PRKG1: variants seen among roughly 807,000 people sequenced by gnomAD.
PRKG1 encodes the protein cGMP-dependent protein kinase 1.
In PRKG1, 35 loss-of-function variants were observed where a neutral mutation model predicts 88.1. The observed-to-expected ratio is 0.40, with a 90% CI of 0.30 to 0.53. PRKG1 has a LOEUF of 0.53. PRKG1 is among the 20% of genes least tolerant of loss of function. The probability of loss-of-function intolerance (pLI) is 0.59; values close to 1 mark genes in which losing one functional copy is unlikely to be tolerated. For missense variants in PRKG1, 540 were observed against 839.8 expected, an observed-to-expected ratio of 0.64 and a Z score of 4.41; for synonymous variants, 303 against 292.5, an observed-to-expected ratio of 1.04 and a Z score of -0.37.
At chr10:51,622,288 T>C (rs962057655) in intron 3 of PRKG1, among the ~76,000 whole-genome samples, 1 of 152,296 alleles carries the variant, frequency 6.6e-6, no homozygotes, top group Middle Eastern at 3.4e-3. Flanking sequence ...GAGGCCTGGC[T>C]CCAATGTCTT....
intron 4 of PRKG1, among the ~76,000 whole-genome samples, chr10:51,884,318 G>A (rs551323268): frequency 0.011 from 1,650 of 144,442 alleles, 20 homozygotes; most frequent in Non-Finnish European, 0.017. Context: ...GGTGGCGCGC[G>A]CCTGTAGTCC....
intron 2 of PRKG1, among the ~76,000 whole-genome samples, chr10:51,367,117 G>A (rs1842607378): frequency 6.6e-6 from 1 of 151,866 alleles, no homozygotes; most frequent in African/African-American, 2.4e-5. Context: ...GTTTCATTTA[G>A]AAACTAAGAC....
chr10:51,884,134 A>C (rs1387900248), intron 4 of PRKG1, among the ~76,000 whole-genome samples: 1 of 151,846 alleles, frequency 6.6e-6, no homozygotes, highest in Non-Finnish European at 1.5e-5. Context: ...CTTTTGTTTG[A>C]ATGAGTCACA....
chr10:51,235,365 T>G (rs1454828285), intron 2 of PRKG1, among the ~76,000 whole-genome samples: 1 of 152,084 alleles, frequency 6.6e-6, no homozygotes, highest in Non-Finnish European at 1.5e-5. Flanking sequence ...TTTAAGTCAC[T>G]GTCAGGCAAT....
At position 52,263,575 on chromosome 10, in the gene PRKG1, A is replaced by T. The variant is rs1011242064; in HGVS notation, c.1174-7775A>T. On this transcript the variant is annotated intron_variant, in intron 10 of 17. Transcript: ENST00000373980. ...AGAAATACTCTCCATTCCAATCTCC[A>T]GGATTTTTTTTTTTTTTTTGAGACA... Among the ~76,000 whole-genome samples the T allele has an allele frequency of 2.9e-4, 43 of 147,946 alleles. 2 individuals carry two copies.
At chr10:52,198,867 C>T (rs1839583178) in intron 9 of PRKG1, among the ~76,000 whole-genome samples, 1 of 151,430 alleles carries the variant, frequency 6.6e-6, no homozygotes, top group Non-Finnish European at 1.5e-5. Context: ...GTTTCCTTTT[C>T]TTAAGCATAC....
intron 2 of PRKG1, among the ~76,000 whole-genome samples, chr10:51,306,265 T>A (rs1841034442): frequency 6.6e-6 from 1 of 152,206 alleles, no homozygotes; most frequent in South Asian, 2.1e-4. Flanking sequence ...ATAGTTGACT[T>A]ACATTTGGGG....
chr10:51,388,883 A>G (rs918109409), intron 2 of PRKG1, among the ~76,000 whole-genome samples: 1 of 152,234 alleles, frequency 6.6e-6, no homozygotes, highest in African/African-American at 2.4e-5. Context: ...AAAATAACAG[A>G]AATACATTTG....
intron 3 of PRKG1, among the ~76,000 whole-genome samples, chr10:51,520,293 TATTAA>T (rs1370674573): frequency 8.0e-5 from 12 of 149,244 alleles, no homozygotes; most frequent in African/African-American, 1.2e-4. Flanking sequence ...ATGAAATATA[TATTAA>T]ATTAAATAGT....
At chr10:52,225,850 C>CT (rs1278200431) in intron 9 of PRKG1, among the ~76,000 whole-genome samples, 2 of 151,928 alleles carry the variant, frequency 1.3e-5, no homozygotes, top group Admixed American at 1.3e-4. Context: ...GTCTATGTGC[C>CT]TTTTTTTGTG....
intron 1 of PRKG1, among the ~76,000 whole-genome samples, chr10:51,069,106 G>C (rs1843789788): frequency 6.6e-6 from 1 of 151,770 alleles, no homozygotes; most frequent in Non-Finnish European, 1.5e-5. Context: ...TCTTAAGAAG[G>C]GGACTATAAA....
At chr10:51,022,764 T>C (rs2132736901) in intron 1 of PRKG1, among the ~76,000 whole-genome samples, 1 of 152,330 alleles carries the variant, frequency 6.6e-6, no homozygotes, top group East Asian at 1.9e-4. Flanking sequence ...GAAGTGTATA[T>C]TAATTGACTC....
At chr10:51,829,618 G>C (rs1359304741) in intron 4 of PRKG1, among the ~76,000 whole-genome samples, 1 of 152,164 alleles carries the variant, frequency 6.6e-6, no homozygotes, top group Non-Finnish European at 1.5e-5. Context: ...AAGATACAGG[G>C]TTGAATGTAT....
intron 4 of PRKG1, 72 bp from the exon 5 acceptor site, chr10:51,907,435 A>T: frequency 8.3e-7 from 1 of 1,206,626 alleles, no homozygotes. Context: ...AATTAGATTC[A>T]TGGTCATTTT....
rs190098503 is a variant in PRKG1, at chr10:51,182,949, A to G, written c.478+29619A>G. ...AACCTAGGCCCAATTTCAGTGGGAA[A>G]AAAGTAGAATCACAATAATTCTATT... On this transcript the variant is annotated intron_variant, in intron 2 of 17. Transcript: ENST00000373980. 3.0e-3 allele frequency among the ~76,000 whole-genome samples: 462 copies of G among 152,326 alleles called. 2 individuals carry two copies. Among genetic ancestry groups the G allele is most frequent in the Middle Eastern group, 6.8e-3 (2 of 294 alleles).
intron 2 of PRKG1, among the ~76,000 whole-genome samples, chr10:51,384,962 TGAAAC>T (rs1326383965): frequency 6.6e-6 from 1 of 152,176 alleles, no homozygotes; most frequent in African/African-American, 2.4e-5. Context: ...AGCAAACAAA[TGAAAC>T]AAGAACATAA....
chr10:51,718,849 A>AAT (rs1564619868), intron 3 of PRKG1, among the ~76,000 whole-genome samples: 1 of 151,784 alleles, frequency 6.6e-6, no homozygotes. Flanking sequence ...AAAAAAAAAA[A>AAT]AAGTTAGAAT....
At chr10:51,383,069 A>C (rs7098119) in intron 2 of PRKG1, among the ~76,000 whole-genome samples, 4,255 of 152,188 alleles carry the variant, frequency 0.028, 190 homozygotes, top group African/African-American at 0.094. Context: ...TGATTGGCTC[A>C]CCAATAAGAT....
At chr10:52,219,655 A>C (rs543005836) in intron 9 of PRKG1, among the ~76,000 whole-genome samples, 1 of 152,210 alleles carries the variant, frequency 6.6e-6, no homozygotes, top group African/African-American at 2.4e-5. Context: ...AATGTGTTGA[A>C]TAACTAACAA....
Sources: gnomAD v4.1 joint callset for allele counts (sites outside exome capture counted in the v4.1 genomes callset) on GRCh38, gnomAD v4.1.1 for gene constraint, MANE v1.5 for transcripts, NCBI Gene and HGNC (gene_info 2026-07-23, HGNC 2026-07-21) for gene names.